Variants in SHTN1 observed in about 807,000 individuals in gnomAD.
The protein encoded by SHTN1 is shootin-1.
In SHTN1, 42 loss-of-function variants were observed where a neutral mutation model predicts 83.1. That is an observed-to-expected ratio of 0.51 (90% CI 0.39 to 0.65). SHTN1 has a LOEUF of 0.65. Ranked by LOEUF, SHTN1 falls within the 30% of genes least tolerant of loss-of-function variation. The pLI, the probability that SHTN1 is intolerant of heterozygous loss-of-function variation, is 0.00. For missense variants in SHTN1, 622 were observed against 737.8 expected, an observed-to-expected ratio of 0.84 and a Z score of 1.82; for synonymous variants, 224 against 247.7, an observed-to-expected ratio of 0.90 and a Z score of 0.90.
upstream of SHTN1, among the ~76,000 whole-genome samples, chr10:117,006,423 G>A (rs551266260): frequency 1.8e-3 from 271 of 151,796 alleles, 3 homozygotes; most frequent in Non-Finnish European, 2.9e-3. Context: ...AAAATTAGCC[G>A]GGCGTGGTGG....
intron 1 of SHTN1, among the ~76,000 whole-genome samples, chr10:117,078,024 A>G (rs898158252): frequency 6.6e-6 from 1 of 152,236 alleles, no homozygotes; most frequent in Admixed American, 6.5e-5. Flanking sequence ...AGCCAGCACT[A>G]TAGACATCTC....
chr10:116,881,752 G>A lies in SHTN1; in HGVS notation c.*4592C>T. On this transcript the variant is annotated 3_prime_UTR_variant, in exon 17 of 17. Transcript: ENST00000355371. The stretch of plus-strand genomic sequence containing the variant: ...GAAGTACGGCGCCGTGTCTCCACAT[G>A]GAGTTTCCTCTTCAACTTCACCAAC... 1 of 1,083,740 alleles carries A rather than the reference G, an allele frequency of 9.2e-7. No individual in the cohort carries two copies. The highest frequency in any genetic ancestry group is 1.2e-6 in the Non-Finnish European group (1 of 823,444). 67.1% of individuals were successfully genotyped at this position (1,083,740 alleles called of 1,614,324 possible).
intron 3 of SHTN1, chr10:116,960,439 A>G (rs1239461937): frequency 6.9e-6 from 3 of 435,848 alleles, no homozygotes; most frequent in Non-Finnish European, 1.2e-5. Context: ...AACAAAATAC[A>G]TTCATTTCAC....
At chr10:116,893,610 G>A (rs888380413) in intron 16 of SHTN1, among the ~76,000 whole-genome samples, 13 of 3,496 alleles carry the variant, frequency 3.7e-3, no homozygotes, top group South Asian at 0.03. Context: ...GAAAGAAAGC[G>A]GAGAAGCGGA....
chr10:117,028,486 C>T lies in SHTN1; in HGVS notation c.-123+19959G>A, dbSNP rs1852360860. ...AAGGCCTCAAAGGCATTTCAGAGAA[C>T]TTTGTGGCAGCCCCTCCCATCACAG... is the stretch of plus-strand genomic sequence containing the variant. On this transcript the variant is annotated intron_variant, in intron 2 of 17. Coordinates refer to the SHTN1 transcript ENST00000392901. Among the ~76,000 whole-genome samples, 3 of 152,146 alleles carry T rather than the reference C, an allele frequency of 2.0e-5. No homozygotes were observed. The South Asian group carries it at 6.2e-4, about 31-fold the overall frequency.
chr10:116,948,183 A>C (rs1382968630), intron 7 of SHTN1, among the ~76,000 whole-genome samples: 3 of 152,210 alleles, frequency 2.0e-5, no homozygotes, highest in Admixed American at 2.0e-4. Context: ...TGGGAGATAC[A>C]TGAAACAGCC....
At chr10:116,925,024 G>A (rs1363967978) in intron 11 of SHTN1, among the ~76,000 whole-genome samples, 1 of 152,120 alleles carries the variant, frequency 6.6e-6, no homozygotes, top group Non-Finnish European at 1.5e-5. Flanking sequence ...CCAAAGTGCT[G>A]GGATTACAGG....
rs574328598 is a variant in SHTN1 at position 116,883,662 on chromosome 10, C to T, written c.*2682G>A. On this transcript the variant is annotated 3_prime_UTR_variant, in exon 17 of 17. Transcript: ENST00000355371. ...CAATTAAAAATAATTGTTACCTGTACTACTCCATTTCCAGCAGTTTACCAT... is the reference window on the plus strand; with the variant it reads ...CAATTAAAAATAATTGTTACCTGTATTACTCCATTTCCAGCAGTTTACCAT... The T allele has an allele frequency of 6.5e-6, 1 of 153,642 alleles. No individual in the cohort carries two copies. Among genetic ancestry groups the T allele is most frequent in the African/African-American group, 2.4e-5 (1 of 41,560 alleles). 9.5% of individuals were successfully genotyped at this position (153,642 alleles called of 1,614,324 possible).
chr10:116,953,288 C>T (rs1419898889), intron 5 of SHTN1, among the ~76,000 whole-genome samples: 2 of 152,044 alleles, frequency 1.3e-5, no homozygotes, highest in Non-Finnish European at 2.9e-5. Flanking sequence ...TACTTGTTAA[C>T]CAACAAAAAG....
At chr10:116,944,165 T>C (rs929368017) in intron 8 of SHTN1, among the ~76,000 whole-genome samples, 2 of 152,208 alleles carry the variant, frequency 1.3e-5, no homozygotes, top group Admixed American at 6.5e-5. Context: ...TGAGATGGTA[T>C]ATGGAGATAC....
At chr10:116,953,629 T>TTTG (rs1564895197) in intron 5 of SHTN1, among the ~76,000 whole-genome samples, 1 of 137,482 alleles carries the variant, frequency 7.3e-6, no homozygotes. Context: ...TTTTGTTTTT[T>TTTG]TTTTTTTTTT....
chr10:116,965,202 T>C (rs931700028), intron 3 of SHTN1, among the ~76,000 whole-genome samples: 25 of 152,036 alleles, frequency 1.6e-4, no homozygotes, highest in African/African-American at 5.8e-4. Context: ...ACAAAGCTTT[T>C]CCTAACCCTT....
At chr10:117,041,228 A>T (rs1017147244) in intron 2 of SHTN1, among the ~76,000 whole-genome samples, 1 of 152,128 alleles carries the variant, frequency 6.6e-6, no homozygotes, top group African/African-American at 2.4e-5. Flanking sequence ...CTCAGTACTC[A>T]GTCTAGCATT....
intron 1 of SHTN1, among the ~76,000 whole-genome samples, chr10:116,991,505 A>C (rs1321119066): frequency 2.0e-5 from 3 of 152,196 alleles, no homozygotes; most frequent in Admixed American, 2.0e-4. Context: ...AGAGGAAAGC[A>C]GGAGAGAAGG....
At chr10:116,926,669 C>G (rs1206891471) in intron 11 of SHTN1, among the ~76,000 whole-genome samples, 1 of 150,642 alleles carries the variant, frequency 6.6e-6, no homozygotes, top group Non-Finnish European at 1.5e-5. Flanking sequence ...AATGGCCTCT[C>G]TGTGTGAAAG....
In SHTN1 at chr10:116,881,680, AC is replaced by A; in HGVS notation, c.*4663del. 6.8e-7 allele frequency: 1 copy of A among 1,478,868 alleles called. No individual in the cohort carries two copies. Among genetic ancestry groups the A allele is most frequent in the Non-Finnish European group, 9.0e-7 (1 of 1,110,524 alleles). 91.6% of individuals were successfully genotyped at this position (1,478,868 alleles called of 1,614,324 possible). ...GCATCCTCTGGATAGGGCTGTACAC[AC>A]CCCAGGTTCCAGCCACACCATCAGT... On this transcript the variant is annotated 3_prime_UTR_variant, in exon 17 of 17. Transcript: ENST00000355371.
intron 4 of SHTN1, among the ~76,000 whole-genome samples, chr10:116,958,736 T>C (rs1850072670): frequency 6.6e-6 from 1 of 152,206 alleles, no homozygotes; most frequent in Non-Finnish European, 1.5e-5. Flanking sequence ...AAAGGGGCCA[T>C]ATGCAAATAA....
chr10:117,126,354 A>G (rs1854007864), exon 1 of SHTN1: 1 of 166,588 alleles, frequency 6.0e-6, no homozygotes, highest in South Asian at 1.3e-4. Context: ...GCTGTGGGAG[A>G]TGGGCTGCGT....
chr10:116,901,756 G>T lies in SHTN1; in HGVS notation c.1673+9C>A, dbSNP rs201551399. ...TATACACCACTTAGTAAAGAGCATC[G>T]TTACTTACTGAAACGTAACCTTGGA... On this transcript the variant is annotated intron_variant, in intron 16 of 16. Coordinates refer to ENST00000355371, the MANE Select transcript of SHTN1 (RefSeq NM_001127211.3). 4.4e-6 allele frequency: 7 copies of T among 1,581,696 alleles called. No individual in the cohort carries two copies. In the South Asian group the frequency reaches 8.2e-5, roughly 18 times the overall value.
Sources: allele counts gnomAD v4.1 joint callset (sites outside exome capture counted in the v4.1 genomes callset), GRCh38; gene constraint gnomAD v4.1.1; transcripts MANE v1.5; gene names NCBI Gene and HGNC (gene_info 2026-07-23, HGNC 2026-07-21).